TRAPPC9: variants seen among roughly 807,000 people sequenced by gnomAD.
TRAPPC9 encodes trafficking protein particle complex subunit 9, also known as IKK2 binding protein.
TRAPPC9 carries 83 observed loss-of-function variants against 124.0 expected under a neutral mutation model. That is an observed-to-expected ratio of 0.67 (90% CI 0.56 to 0.80). The LOEUF (loss-of-function observed/expected upper bound fraction) is 0.80, where lower values mean the gene tolerates loss of function less well. Among genes scored for constraint, TRAPPC9 ranks in the 30% least tolerant of loss-of-function variants. The pLI is 0.00. For synonymous variants in TRAPPC9, 638 were observed against 617.5 expected (o/e 1.03, Z -0.49); for missense variants, 1,302 against 1,508.3 (o/e 0.86, Z 2.27).
chr8:140,096,575 T>G (rs1231549460), intron 17 of TRAPPC9: 1 of 152,108 alleles, frequency 6.6e-6, no homozygotes, highest in Non-Finnish European at 1.5e-5. Context: ...GGAATAGGTA[T>G]GAAGTTGAAC....
At chr8:140,155,844 T>G in intron 17 of TRAPPC9, among the ~76,000 whole-genome samples, 1 of 152,318 alleles carries the variant, frequency 6.6e-6, no homozygotes, top group East Asian at 1.9e-4. Flanking sequence ...ATCATCTCTC[T>G]TTTTCAAAGA....
chr8:140,041,836 G>A (rs1841294090), intron 17 of TRAPPC9, among the ~76,000 whole-genome samples: 1 of 152,152 alleles, frequency 6.6e-6, no homozygotes, highest in Admixed American at 6.5e-5. Context: ...GCTGGGTGTG[G>A]TGGCGTGTAC....
chr8:140,183,961 GGGAGGA>G (rs2062286350), intron 17 of TRAPPC9, among the ~76,000 whole-genome samples: 2 of 15,724 alleles, frequency 1.3e-4, no homozygotes, highest in Non-Finnish European at 2.7e-4. Context: ...GGGGAGGGGA[GGGAGGA>G]GGGAGGAGGG....
rs191159824 is a variant in TRAPPC9 at position 140,232,451 on chromosome 8, C to T, written c.2432-10868G>A. Among the ~76,000 whole-genome samples, 101 of 152,164 alleles carry T rather than the reference C, an allele frequency of 6.6e-4. 1 individual carries two copies. The highest frequency in any genetic ancestry group is 2.3e-3 in the African/African-American group (95 of 41,516). ...CTTTTCTCTCTCTATTACCCTAGCC[C>T]GGAGCAGAGTCACTGGATGAAGTCC... On this transcript the variant is annotated intron_variant, in intron 16 of 22. Coordinates refer to ENST00000438773, the MANE Select transcript of TRAPPC9 (RefSeq NM_001160372.4).
chr8:140,458,164 G>T, upstream of TRAPPC9: 2 of 1,528,450 alleles, frequency 1.3e-6, no homozygotes, highest in Middle Eastern at 2.3e-4. Context: ...GAGATGGAGG[G>T]AGATGGAGCG....
chr8:139,880,247 G>A (rs984410421), intron 21 of TRAPPC9, among the ~76,000 whole-genome samples: 4 of 152,250 alleles, frequency 2.6e-5, no homozygotes, highest in South Asian at 2.1e-4. Context: ...GCAGGCGGCC[G>A]GCATAGCCAT....
intron 18 of TRAPPC9, among the ~76,000 whole-genome samples, chr8:139,994,391 T>TC (rs1265867057): frequency 6.6e-6 from 1 of 152,198 alleles, no homozygotes; most frequent in Non-Finnish European, 1.5e-5. Flanking sequence ...AGTCAAGCTT[T>TC]CCCCCAGAGG....
At chr8:140,073,106 T>C (rs1005921421) in intron 17 of TRAPPC9, among the ~76,000 whole-genome samples, 15 of 152,168 alleles carry the variant, frequency 9.9e-5, no homozygotes, top group African/African-American at 2.7e-4. Flanking sequence ...GAATGTAAAA[T>C]GGAGCAACGA....
At chr8:139,940,853 G>C (rs1833868365) in intron 19 of TRAPPC9, among the ~76,000 whole-genome samples, 1 of 152,250 alleles carries the variant, frequency 6.6e-6, no homozygotes, top group Non-Finnish European at 1.5e-5. Context: ...CCACACAGAG[G>C]GAGGCTGAGT....
chr8:140,117,291 T>C (rs1379393569), intron 17 of TRAPPC9, among the ~76,000 whole-genome samples: 1 of 152,204 alleles, frequency 6.6e-6, no homozygotes, highest in Non-Finnish European at 1.5e-5. Flanking sequence ...TAGTCTATTT[T>C]GTGCTGGTGT....
chr8:140,386,402 T>C (rs954260892), intron 7 of TRAPPC9, among the ~76,000 whole-genome samples: 8 of 152,230 alleles, frequency 5.3e-5, no homozygotes, highest in African/African-American at 1.9e-4. Context: ...GACATGATTG[T>C]GTATCTAGAA....
intron 7 of TRAPPC9, among the ~76,000 whole-genome samples, chr8:140,388,477 A>G (rs1378322532): frequency 2.6e-5 from 4 of 152,110 alleles, no homozygotes; most frequent in South Asian, 2.1e-4. Flanking sequence ...TGAAGTTGGG[A>G]GTTTGAGACC....
chr8:139,802,807 C>T (rs551415032), intron 21 of TRAPPC9, among the ~76,000 whole-genome samples: 23 of 152,112 alleles, frequency 1.5e-4, no homozygotes, highest in South Asian at 1.5e-3. Flanking sequence ...TAGGCATTAG[C>T]GGGGTGTGGA....
At chr8:140,099,669 C>CTA (rs1182226363) in intron 17 of TRAPPC9, 9 of 149,536 alleles carry the variant, frequency 6.0e-5, no homozygotes, top group Non-Finnish European at 1.2e-4. Flanking sequence ...AGACACCCAG[C>CTA]TAGGTCTCTG....
intron 17 of TRAPPC9, among the ~76,000 whole-genome samples, chr8:140,066,051 T>C (rs1027683594): frequency 2.6e-5 from 4 of 152,240 alleles, no homozygotes; most frequent in Non-Finnish European, 4.4e-5. Context: ...AGAACATTCA[T>C]GATTCCTGAA....
intron 11 of TRAPPC9, 110 bp downstream of exon 11, chr8:140,300,359 A>G: frequency 7.2e-7 from 1 of 1,393,316 alleles, no homozygotes; most frequent in Non-Finnish European, 1.0e-6. Context: ...CCACGCACGC[A>G]CACACATGCA....
chr8:139,774,559 A>G lies in TRAPPC9; in HGVS notation c.3056-42357T>C, dbSNP rs542016241. Among the ~76,000 whole-genome samples the G allele has an allele frequency of 9.2e-5, 14 of 152,280 alleles. No homozygotes were observed. The East Asian group carries it at 2.7e-3, about 30-fold the overall frequency. Reference sequence around the variant, plus strand: ...CTTCCCGCTGACCGCCAGCGACAGCAGCTGTGCCGCGTCCTCCCTCCCTGG... The same window carrying G: ...CTTCCCGCTGACCGCCAGCGACAGCGGCTGTGCCGCGTCCTCCCTCCCTGG... On this transcript the variant is annotated intron_variant, in intron 21 of 22. Coordinates refer to ENST00000438773, the MANE Select transcript of TRAPPC9 (RefSeq NM_001160372.4).
chr8:139,808,596 C>A (rs1197084088), intron 21 of TRAPPC9, among the ~76,000 whole-genome samples: 1 of 152,190 alleles, frequency 6.6e-6, no homozygotes, highest in East Asian at 1.9e-4. Flanking sequence ...AAAAGCAACT[C>A]CATACCCACT....
intron 5 of TRAPPC9, among the ~76,000 whole-genome samples, chr8:140,424,088 A>C (rs957787872): frequency 2.0e-5 from 3 of 152,120 alleles, no homozygotes; most frequent in African/African-American, 7.2e-5. Context: ...ATATACTAAA[A>C]ATGACTGGAT....
Sources: allele counts gnomAD v4.1 joint callset (sites outside exome capture counted in the v4.1 genomes callset), GRCh38; gene constraint gnomAD v4.1.1; transcripts MANE v1.5; gene names NCBI Gene and HGNC (gene_info 2026-07-23, HGNC 2026-07-21).